The following FCHSD2 variants were observed in gnomAD, a reference collection of about 807,000 sequenced individuals.
FCHSD2 encodes F-BAR and double SH3 domains protein 2.
FCHSD2 carries 38 observed loss-of-function variants against 108.1 expected under a neutral mutation model. The ratio of observed to expected loss-of-function variants is 0.35; its 90% CI spans 0.27 to 0.46. The LOEUF (loss-of-function observed/expected upper bound fraction) is 0.46. Ranked by LOEUF, FCHSD2 falls within the 20% of genes least tolerant of loss-of-function variation. FCHSD2 has a pLI of 1.00. For missense variants in FCHSD2, 751 were observed against 897.8 expected (o/e 0.84, Z 2.09); for synonymous variants, 279 against 314.7 (o/e 0.89, Z 1.20).
At chr11:72,959,853 G>GGTGTGTAT (rs1555063760) in intron 8 of FCHSD2, among the ~76,000 whole-genome samples, 2 of 145,810 alleles carry the variant, frequency 1.4e-5, no homozygotes, top group African/African-American at 2.5e-5. Context: ...AAGTTTCTAG[G>GGTGTGTAT]GTGTGTGTGT....
intron 8 of FCHSD2, among the ~76,000 whole-genome samples, chr11:72,965,967 G>A (rs1384043275): frequency 3.3e-5 from 5 of 151,988 alleles, no homozygotes; most frequent in South Asian, 2.1e-4. Flanking sequence ...TATAAACATC[G>A]GCAGGAAACA....
chr11:72,979,778 C>A (rs1450192054), intron 8 of FCHSD2, among the ~76,000 whole-genome samples: 1 of 151,782 alleles, frequency 6.6e-6, no homozygotes, highest in Non-Finnish European at 1.5e-5. Flanking sequence ...TAAGACATAT[C>A]ATAAAGAAAA....
chr11:72,946,053 C>A (rs1856512681), intron 8 of FCHSD2, among the ~76,000 whole-genome samples: 1 of 152,118 alleles, frequency 6.6e-6, no homozygotes, highest in African/African-American at 2.4e-5. Flanking sequence ...CGAGTATATA[C>A]TCAAAGGATT....
At chr11:72,859,970 C>T (rs1164302560) in intron 13 of FCHSD2, among the ~76,000 whole-genome samples, 1 of 152,260 alleles carries the variant, frequency 6.6e-6, no homozygotes, top group Non-Finnish European at 1.5e-5. Context: ...ACAATTTTTC[C>T]ATGGACTGGA....
chr11:72,928,530 ACAC>A (rs1243663094), intron 8 of FCHSD2, among the ~76,000 whole-genome samples: 1 of 152,210 alleles, frequency 6.6e-6, no homozygotes, highest in African/African-American at 2.4e-5. Context: ...ATGATGGTTA[ACAC>A]AGGCAACTGA....
At chr11:72,843,018 TG>T in intron 16 of FCHSD2, 132 bp downstream of exon 16, 1 of 959,204 alleles carries the variant, frequency 1.0e-6, no homozygotes. Flanking sequence ...AGGACAAACG[TG>T]ACCATATAAA....
intron 9 of FCHSD2, among the ~76,000 whole-genome samples, chr11:72,916,451 A>C (rs1367196319): frequency 6.6e-6 from 1 of 151,910 alleles, no homozygotes; most frequent in Non-Finnish European, 1.5e-5. Context: ...TAGTTGGGAC[A>C]ACAGGTATGC....
chr11:72,937,223 T>C (rs1856321202), intron 8 of FCHSD2, among the ~76,000 whole-genome samples: 2 of 152,198 alleles, frequency 1.3e-5, no homozygotes, highest in Non-Finnish European at 2.9e-5. Flanking sequence ...GATATTTAGG[T>C]ATCTAAATCA....
chr11:72,919,135 T>C (rs974397398), intron 9 of FCHSD2, among the ~76,000 whole-genome samples: 2 of 152,102 alleles, frequency 1.3e-5, no homozygotes, highest in African/African-American at 4.8e-5. Flanking sequence ...AAAAAAAATC[T>C]AAAAAGTGTC....
intron 8 of FCHSD2, among the ~76,000 whole-genome samples, chr11:72,957,069 C>T (rs1239338470): frequency 1.3e-5 from 2 of 148,950 alleles, no homozygotes; most frequent in Admixed American, 6.7e-5. Flanking sequence ...TTTTAGGGTA[C>T]ATGTGCACAT....
intron 2 of FCHSD2, among the ~76,000 whole-genome samples, chr11:73,139,565 A>G (rs545239664): frequency 4.9e-4 from 74 of 152,332 alleles, no homozygotes; most frequent in African/African-American, 1.8e-3. Context: ...CACACTTCTC[A>G]CTAAATTTGG....
At chr11:72,910,643 A>G (rs1238988941) in intron 9 of FCHSD2, among the ~76,000 whole-genome samples, 1 of 152,084 alleles carries the variant, frequency 6.6e-6, no homozygotes, top group African/African-American at 2.4e-5. Context: ...GTTAAGAGTC[A>G]TCACCACTCC....
intron 17 of FCHSD2, among the ~76,000 whole-genome samples, chr11:72,842,029 C>T (rs541251360): frequency 2.9e-4 from 44 of 152,334 alleles, no homozygotes; most frequent in Non-Finnish European, 5.4e-4. Flanking sequence ...ACAAGATCGG[C>T]AAACACGTTC....
intron 8 of FCHSD2, among the ~76,000 whole-genome samples, chr11:72,975,494 G>T (rs1431709478): frequency 6.6e-6 from 1 of 152,022 alleles, no homozygotes; most frequent in Non-Finnish European, 1.5e-5. Context: ...TTCTAAAACA[G>T]GTAGGAGAGA....
At chr11:72,970,166 C>T (rs1856982545) in intron 8 of FCHSD2, among the ~76,000 whole-genome samples, 1 of 152,188 alleles carries the variant, frequency 6.6e-6, no homozygotes, top group Non-Finnish European at 1.5e-5. Flanking sequence ...ACTAAAGCCA[C>T]AAATGGCTAA....
rs1860947856 is a variant in FCHSD2 at position 72,841,532 on chromosome 11, C to T, written c.1978G>A (p.Asp660Asn). 4 of 1,610,988 alleles carry T rather than the reference C, an allele frequency of 2.5e-6. No individual in the cohort carries two copies. Among genetic ancestry groups the T allele is most frequent in the South Asian group, 1.1e-5 (1 of 90,386 alleles). Residue 660 changes from aspartate (D) to asparagine (N), a missense_variant, in exon 18 of 20, where the codon GAC becomes AAC. By Grantham distance (23) the Asp-to-Asn change is conservative. Transcript: ENST00000409418. ...HASLPPLPLY[D>N]QPPSSPYPSP... ...GGGTAGGGGCTGCTGGGAGGCTGGTCGTACAACGGCAGTGGAGGCAGGGAG... is the reference window on the plus strand; with the variant it reads ...GGGTAGGGGCTGCTGGGAGGCTGGTTGTACAACGGCAGTGGAGGCAGGGAG...
chr11:73,135,622 C>CT (rs1861103997), intron 2 of FCHSD2, among the ~76,000 whole-genome samples: 1 of 152,126 alleles, frequency 6.6e-6, no homozygotes. Flanking sequence ...AAAGTAGACT[C>CT]TACTTGTCTA....
intron 9 of FCHSD2, among the ~76,000 whole-genome samples, chr11:72,917,881 T>C (rs534936697): frequency 6.6e-6 from 1 of 151,618 alleles, no homozygotes; most frequent in African/African-American, 2.4e-5. Flanking sequence ...GAGTGAGACC[T>C]TGTCTCAAAT....
At chr11:72,990,299 T>G (rs1378975590) in intron 5 of FCHSD2, among the ~76,000 whole-genome samples, 2 of 152,160 alleles carry the variant, frequency 1.3e-5, no homozygotes, top group African/African-American at 4.8e-5. Flanking sequence ...TAGGCAACAT[T>G]GCTTACAAAC....
Sources: gnomAD v4.1 joint callset for allele counts (sites outside exome capture counted in the v4.1 genomes callset) on GRCh38, gnomAD v4.1.1 for gene constraint, MANE v1.5 for transcripts, NCBI Gene and HGNC (gene_info 2026-07-23, HGNC 2026-07-21) for gene names.